The following TIAM1 variants were observed in gnomAD, a reference collection of about 807,000 sequenced individuals.
TIAM1 encodes the protein rho guanine nucleotide exchange factor TIAM1.
A neutral mutation model predicts 163.5 loss-of-function variants in TIAM1; 65 were observed. The observed-to-expected ratio is 0.40, with a 90% confidence interval of 0.33 to 0.49. The LOEUF (loss-of-function observed/expected upper bound fraction) is 0.49. Ranked by LOEUF, TIAM1 falls within the 20% of genes least tolerant of loss-of-function variation. The probability of loss-of-function intolerance (pLI) is 0.77; values close to 1 mark genes in which losing one functional copy is unlikely to be tolerated. For synonymous variants in TIAM1, 833 were observed against 810.1 expected (o/e 1.03, Z -0.48); for missense variants, 1,789 against 2,044.7 (o/e 0.87, Z 2.41).
chr21:31,476,916 A>C (rs2045951541), intron 1 of TIAM1, among the ~76,000 whole-genome samples: 1 of 152,224 alleles, frequency 6.6e-6, no homozygotes, highest in Non-Finnish European at 1.5e-5. Flanking sequence ...ACATGTTGCT[A>C]GGCAACCAGT....
chr21:31,377,222 C>A (rs762706249), intron 2 of TIAM1, among the ~76,000 whole-genome samples: 5 of 147,022 alleles, frequency 3.4e-5, no homozygotes, highest in Non-Finnish European at 7.4e-5. Context: ...TTAAGAGATG[C>A]CTTTCTGCAA....
At chr21:31,223,330 G>A (rs1037388684) in intron 8 of TIAM1, 76 bp downstream of exon 8, 16 of 1,462,604 alleles carry the variant, frequency 1.1e-5, no homozygotes. Context: ...AAACACTTAG[G>A]AGACTCTTGT....
In TIAM1 at chr21:31,315,747, C is replaced by T. The variant is rs146377441; in HGVS notation, c.-189+23496G>A. ...CTGTAATCCCAGCACTTTGGGAGGCCGAGGCAGGCGGATCATGAGGTCAGG... is the reference window on the plus strand; with the variant it reads ...CTGTAATCCCAGCACTTTGGGAGGCTGAGGCAGGCGGATCATGAGGTCAGG... On this transcript the variant is annotated intron_variant, in intron 2 of 27. Coordinates refer to ENST00000541036, the MANE Select transcript of TIAM1 (RefSeq NM_001353694.2). Among the ~76,000 whole-genome samples, 671 of 150,144 alleles carry T rather than the reference C, an allele frequency of 4.5e-3. 5 individuals are homozygous for T. The highest frequency in any genetic ancestry group is 0.015 in the African/African-American group (618 of 40,682).
chr21:31,163,148 G>A (rs2084014204), intron 16 of TIAM1, among the ~76,000 whole-genome samples: 1 of 152,152 alleles, frequency 6.6e-6, no homozygotes. Flanking sequence ...TACTTTTTAA[G>A]TGTTCAGAAA....
chr21:31,556,125 C>G (rs1392628024), intron 1 of TIAM1, among the ~76,000 whole-genome samples: 2 of 152,196 alleles, frequency 1.3e-5, no homozygotes, highest in Non-Finnish European at 2.9e-5. Context: ...TTGATCCCCA[C>G]ACAACAGCAG....
At chr21:31,394,439 T>A (rs1324927904) in intron 2 of TIAM1, among the ~76,000 whole-genome samples, 1 of 152,202 alleles carries the variant, frequency 6.6e-6, no homozygotes, top group Non-Finnish European at 1.5e-5. Flanking sequence ...CACGTAATTA[T>A]ACATTGGTCC....
At chr21:31,330,861 TTCTAGTGTTA>T (rs2075657052) in intron 2 of TIAM1, among the ~76,000 whole-genome samples, 1 of 152,202 alleles carries the variant, frequency 6.6e-6, no homozygotes, top group Non-Finnish European at 1.5e-5. Flanking sequence ...TGGCAAAGAA[TTCTAGTGTTA>T]GTTTTATATA....
intron 2 of TIAM1, among the ~76,000 whole-genome samples, chr21:31,390,100 G>A (rs477170): frequency 0.16 from 24,079 of 152,134 alleles, 2,023 homozygotes; most frequent in Non-Finnish European, 0.19. Flanking sequence ...GAGGGAACGT[G>A]AGAGATTTTT....
intron 6 of TIAM1, among the ~76,000 whole-genome samples, chr21:31,243,587 C>T (rs2071337931): frequency 6.6e-6 from 1 of 152,112 alleles, no homozygotes; most frequent in African/African-American, 2.4e-5. Flanking sequence ...AATATATACA[C>T]ATTGTATTTT....
intron 10 of TIAM1, chr21:31,212,512 A>T (rs2086934036): frequency 6.6e-6 from 1 of 152,102 alleles, no homozygotes; most frequent in Non-Finnish European, 1.5e-5. Context: ...GTGGCCAATT[A>T]AAAAACAAAT....
At chr21:31,445,812 G>A (rs1159401361) in intron 2 of TIAM1, among the ~76,000 whole-genome samples, 2 of 152,168 alleles carry the variant, frequency 1.3e-5, no homozygotes, top group African/African-American at 4.8e-5. Context: ...GGGGGAGGAG[G>A]GGAGGAGAGA....
chr21:31,339,429 G>T lies in TIAM1; in HGVS notation c.-368-7C>A. The T allele has an allele frequency of 2.5e-6, 1 of 398,480 alleles. No individual in the cohort carries two copies. Among genetic ancestry groups the T allele is most frequent in the South Asian group, 1.3e-4 (1 of 7,852 alleles). The allele number at this position is 398,480 out of a possible 1,614,324, so 24.7% of individuals were successfully genotyped here. A position where few individuals can be genotyped will look rare whatever the true frequency, so the allele number is the denominator to read the frequency against. On this transcript the variant is annotated splice_polypyrimidine_tract_variant and splice_region_variant and intron_variant, in intron 1 of 27. Coordinates refer to ENST00000541036, the MANE Select transcript of TIAM1 (RefSeq NM_001353694.2). ...CAGTCCACAGTGATTCTACCTATAA[G>T]AGCAACATAAGAAAATAATGGGTTT...
At chr21:31,365,489 C>T (rs1210945764) in intron 2 of TIAM1, among the ~76,000 whole-genome samples, 3 of 149,862 alleles carry the variant, frequency 2.0e-5, no homozygotes, top group Non-Finnish European at 3.0e-5. Context: ...CCCGGGTTCA[C>T]GCCATTCTCC....
chr21:31,195,614 G>A (rs2085806612), intron 12 of TIAM1, among the ~76,000 whole-genome samples: 1 of 152,096 alleles, frequency 6.6e-6, no homozygotes, highest in South Asian at 2.1e-4. Context: ...TAGTTGTGGG[G>A]AGAAAAAGTT....
At chr21:31,283,653 TC>T (rs1385123136) in intron 2 of TIAM1, among the ~76,000 whole-genome samples, 2 of 152,118 alleles carry the variant, frequency 1.3e-5, no homozygotes, top group Non-Finnish European at 2.9e-5. Context: ...CAAGCAATTC[TC>T]CTGCCTCAGC....
At chr21:31,381,663 G>T (rs2076781224) in intron 2 of TIAM1, among the ~76,000 whole-genome samples, 1 of 152,026 alleles carries the variant, frequency 6.6e-6, no homozygotes. Flanking sequence ...GTGAGACTCT[G>T]TCTCAAAGAA....
intron 2 of TIAM1, among the ~76,000 whole-genome samples, chr21:31,453,581 T>C (rs1340091542): frequency 6.6e-6 from 1 of 151,968 alleles, no homozygotes; most frequent in Non-Finnish European, 1.5e-5. Context: ...TAGTCCCAGC[T>C]ACTCGGGAGG....
At chr21:31,492,430 A>G (rs1025561295) in intron 1 of TIAM1, among the ~76,000 whole-genome samples, 4 of 152,206 alleles carry the variant, frequency 2.6e-5, no homozygotes, top group Non-Finnish European at 5.9e-5. Flanking sequence ...TGTTTATGTA[A>G]GAATGCAGAT....
chr21:31,335,075 C>A (rs1431781580), intron 2 of TIAM1, among the ~76,000 whole-genome samples: 1 of 152,126 alleles, frequency 6.6e-6, no homozygotes, highest in Non-Finnish European at 1.5e-5. Flanking sequence ...TTGCATCAGA[C>A]CCAAGGCATC....
Sources: gnomAD v4.1 joint callset for allele counts (sites outside exome capture counted in the v4.1 genomes callset) on GRCh38, gnomAD v4.1.1 for gene constraint, MANE v1.5 for transcripts, NCBI Gene and HGNC (gene_info 2026-07-23, HGNC 2026-07-21) for gene names.